Variants in GALNT13 observed in about 807,000 individuals in gnomAD.
The protein encoded by GALNT13 is UDP-GalNAc:polypeptide N-acetylgalactosaminyltransferase 13.
GALNT13 carries 28 observed loss-of-function variants against 64.2 expected under a neutral mutation model. The ratio of observed to expected loss-of-function variants is 0.44; its 90% CI spans 0.32 to 0.60. The LOEUF is 0.60. Among genes scored for constraint, GALNT13 ranks in the 20% least tolerant of loss-of-function variants. The probability of loss-of-function intolerance (pLI) is 0.05; values close to 1 mark genes in which losing one functional copy is unlikely to be tolerated. For synonymous variants in GALNT13, 214 were observed against 224.6 expected (o/e 0.95, Z 0.42); for missense variants, 577 against 669.8 (o/e 0.86, Z 1.53).
the GALNT13 span, among the ~76,000 whole-genome samples, chr2:153,827,257 C>T: frequency 3.3e-5 from 5 of 152,178 alleles, no homozygotes; most frequent in South Asian, 8.3e-4. Context: ...AGACCCACCA[C>T]GATGATTCAA....
chr2:153,952,196 C>T (rs16835458), intron 3 of GALNT13, among the ~76,000 whole-genome samples: 8,516 of 152,112 alleles, frequency 0.056, 349 homozygotes, highest in South Asian at 0.11. Context: ...TTTAAAAAGC[C>T]CAATGATGCC....
chr2:154,299,439 A>G (rs1453064538), intron 8 of GALNT13, among the ~76,000 whole-genome samples: 1 of 151,252 alleles, frequency 6.6e-6, no homozygotes, highest in South Asian at 2.1e-4. Context: ...TGAGGAAGTT[A>G]TCAATCAATG....
chr2:154,291,349 C>G (rs761537408), intron 8 of GALNT13, among the ~76,000 whole-genome samples: 5 of 152,166 alleles, frequency 3.3e-5, no homozygotes, highest in Non-Finnish European at 5.9e-5. Context: ...TAGCTAGACA[C>G]AGAGTGCTGA....
At chr2:153,978,221 C>G (rs1477268218) in intron 3 of GALNT13, among the ~76,000 whole-genome samples, 1 of 152,160 alleles carries the variant, frequency 6.6e-6, no homozygotes, top group East Asian at 1.9e-4. Flanking sequence ...GGGTCAGAAA[C>G]TTTCTTTCTA....
the GALNT13 span, chr2:153,173,464 A>G: frequency 0.43 from 66,132 of 152,048 alleles, 14,650 homozygotes; most frequent in East Asian, 0.63. Flanking sequence ...AGCTGCATCA[A>G]TCTAATCCCT....
At chr2:153,359,360 A>G in the GALNT13 span, among the ~76,000 whole-genome samples, 1 of 152,166 alleles carries the variant, frequency 6.6e-6, no homozygotes, top group Admixed American at 6.5e-5. Flanking sequence ...ACACCTTTTA[A>G]TTTTTGTCAA....
chr2:154,131,120 A>G (rs534226455), intron 3 of GALNT13, among the ~76,000 whole-genome samples: 2 of 152,200 alleles, frequency 1.3e-5, no homozygotes, highest in South Asian at 4.1e-4. Flanking sequence ...CTCATTCTTA[A>G]TACAGAAGAA....
At chr2:154,362,110 C>T (rs1377352705) in intron 9 of GALNT13, among the ~76,000 whole-genome samples, 1 of 97,946 alleles carries the variant, frequency 1.0e-5, no homozygotes, top group Non-Finnish European at 2.3e-5. Flanking sequence ...AGATAAACAA[C>T]TGAGTGTCCA....
chr2:153,912,445 G>C (rs1225136090), intron 2 of GALNT13, among the ~76,000 whole-genome samples: 2 of 152,108 alleles, frequency 1.3e-5, no homozygotes, highest in East Asian at 3.9e-4. Context: ...TCTTCTTGGA[G>C]AACTAGGGTG....
chr2:153,371,029 G>C, the GALNT13 span: 1 of 214,742 alleles, frequency 4.7e-6, no homozygotes, highest in Non-Finnish European at 9.8e-6. Flanking sequence ...TCCTGACTAT[G>C]ATGCTTTGGA....
intron 1 of GALNT13, among the ~76,000 whole-genome samples, chr2:153,897,989 C>T (rs1402594931): frequency 6.6e-6 from 1 of 152,052 alleles, no homozygotes; most frequent in Non-Finnish European, 1.5e-5. Flanking sequence ...TGTCCATGTT[C>T]TAATATGCCA....
At chr2:153,711,832 A>G in the GALNT13 span, among the ~76,000 whole-genome samples, 1 of 152,310 alleles carries the variant, frequency 6.6e-6, no homozygotes, top group Non-Finnish European at 1.5e-5. Flanking sequence ...GGAGAGTTGT[A>G]TGCTGGCTGT....
chr2:153,718,746 T>A, the GALNT13 span, among the ~76,000 whole-genome samples: 5 of 152,322 alleles, frequency 3.3e-5, no homozygotes, highest in African/African-American at 1.2e-4. Context: ...AGCTTTCTCA[T>A]CTATGTGTTG....
chr2:153,830,671 T>C, the GALNT13 span, among the ~76,000 whole-genome samples: 1 of 152,180 alleles, frequency 6.6e-6, no homozygotes, highest in Non-Finnish European at 1.5e-5. Context: ...AGGAGAAAGG[T>C]TTGCATTTGT....
At chr2:153,712,211 G>C in the GALNT13 span, among the ~76,000 whole-genome samples, 1 of 152,100 alleles carries the variant, frequency 6.6e-6, no homozygotes, top group Non-Finnish European at 1.5e-5. Flanking sequence ...GCTTCAATTA[G>C]AAGTATAATG....
chr2:153,437,154 C>T, the GALNT13 span, among the ~76,000 whole-genome samples: 1 of 152,056 alleles, frequency 6.6e-6, no homozygotes, highest in South Asian at 2.1e-4. Context: ...GTTTCTTAAT[C>T]CTGAGTTCTA....
chr2:154,186,136 T>TA (rs1358937804), intron 4 of GALNT13, among the ~76,000 whole-genome samples: 5 of 152,070 alleles, frequency 3.3e-5, no homozygotes, highest in Non-Finnish European at 7.4e-5. Flanking sequence ...AATTTTTGTT[T>TA]AAAATCTTGA....
chr2:153,480,967 T>G, the GALNT13 span, among the ~76,000 whole-genome samples: 1 of 152,212 alleles, frequency 6.6e-6, no homozygotes, highest in Non-Finnish European at 1.5e-5. Flanking sequence ...AGGAACAGTA[T>G]TGCTGTTTTC....
chr2:153,877,141 CTA>C (rs1462544054), intron 1 of GALNT13, among the ~76,000 whole-genome samples: 1 of 152,004 alleles, frequency 6.6e-6, no homozygotes. Flanking sequence ...ATCTTGTAGA[CTA>C]TGTGAGAAAA....
Sources: allele counts gnomAD v4.1 joint callset (sites outside exome capture counted in the v4.1 genomes callset), GRCh38; gene constraint gnomAD v4.1.1; transcripts MANE v1.5; gene names NCBI Gene and HGNC (gene_info 2026-07-23, HGNC 2026-07-21).